The following RAD51B variants were observed in gnomAD, a reference collection of about 807,000 sequenced individuals.
The protein encoded by RAD51B is DNA repair protein RAD51 homolog 2.
RAD51B carries 38 observed loss-of-function variants against 42.2 expected under a neutral mutation model. The ratio of observed to expected loss-of-function variants is 0.90; its 90% CI spans 0.70 to 1.18. The LOEUF (loss-of-function observed/expected upper bound fraction) is 1.18. RAD51B is among the 50% of genes most tolerant of loss of function. The pLI, the probability that RAD51B is intolerant of heterozygous loss-of-function variation, is 0.00. For missense variants in RAD51B, 373 were observed against 400.7 expected (o/e 0.93, Z 0.59); for synonymous variants, 154 against 145.2 (o/e 1.06, Z -0.43).
Position 67,887,209 on chromosome 14 carries a change from G to GTTTTTCTTT in RAD51B, c.756+10_756+18dup, listed in dbSNP as rs1158832964. The GTTTTTCTTT allele has an allele frequency of 6.3e-7, 1 of 1,598,278 alleles. No homozygotes were observed. The highest frequency in any genetic ancestry group is 2.2e-5 in the East Asian group (1 of 44,586). On this transcript the variant is annotated splice_donor_region_variant and intron_variant, in intron 7 of 10. Coordinates refer to ENST00000471583, the MANE Select transcript of RAD51B (RefSeq NM_133510.4). Reference sequence around the variant, plus strand: ...GCTGAGGAGTTTTCAATCCCAGTAAGTTTTTCTTTTTTTCTCTTTTTTCTT... The same window carrying GTTTTTCTTT: ...GCTGAGGAGTTTTCAATCCCAGTAAGTTTTTCTTTTTTTTCTTTTTTTCTCTTTTTTCTT...
chr14:68,271,389 A>G (rs2081101161), intron 7 of RAD51B, among the ~76,000 whole-genome samples: 1 of 152,168 alleles, frequency 6.6e-6, no homozygotes, highest in Admixed American at 6.5e-5. Context: ...CTGGGTTTGA[A>G]TCCCAGCTTT....
chr14:68,633,488 A>C (rs1017746880), intron 10 of RAD51B, among the ~76,000 whole-genome samples: 10 of 152,094 alleles, frequency 6.6e-5, no homozygotes, highest in African/African-American at 2.2e-4. Flanking sequence ...CCTGGAGAGG[A>C]CAAGGCTGTA....
At chr14:68,053,975 C>T (rs756066016) in intron 7 of RAD51B, among the ~76,000 whole-genome samples, 3 of 152,140 alleles carry the variant, frequency 2.0e-5, no homozygotes, top group Admixed American at 6.5e-5. Context: ...TTATAATACA[C>T]GCAAACATAC....
chr14:68,086,778 T>C (rs766846588), intron 7 of RAD51B, among the ~76,000 whole-genome samples: 2 of 152,076 alleles, frequency 1.3e-5, no homozygotes, highest in East Asian at 1.9e-4. Flanking sequence ...ATTTCTAATA[T>C]TGGGGGCTTC....
At chr14:68,033,062 A>G (rs1426505567) in intron 7 of RAD51B, among the ~76,000 whole-genome samples, 3 of 152,256 alleles carry the variant, frequency 2.0e-5, no homozygotes, top group Middle Eastern at 6.8e-3. Context: ...CCGTATCATC[A>G]TGGTGCTCAT....
At chr14:68,149,558 C>T (rs2078330031) in intron 7 of RAD51B, 1 of 152,188 alleles carries the variant, frequency 6.6e-6, no homozygotes, top group Non-Finnish European at 1.5e-5. Flanking sequence ...TCTATATTTT[C>T]ACCAATATCA....
At chr14:68,497,333 C>G in intron 10 of RAD51B, 1 of 1,257,562 alleles carries the variant, frequency 8.0e-7, no homozygotes, top group Non-Finnish European at 1.0e-6. Context: ...GGATCAAGAA[C>G]AAGCCCAACA....
rs1892355268 is a variant in RAD51B, at chr14:68,637,066, A to G, written c.1037-13715A>G. On this transcript the variant is annotated intron_variant, in intron 10 of 11. Transcript: ENST00000488612. Reference sequence around the variant, plus strand: ...TGCTACTTCCCCAGTGCCTAGAAAGAGTGCCCGTCACTCTTAACAAACTTT... The same window carrying G: ...TGCTACTTCCCCAGTGCCTAGAAAGGGTGCCCGTCACTCTTAACAAACTTT... 2.0e-5 allele frequency among the ~76,000 whole-genome samples: 3 copies of G among 152,144 alleles called. No homozygotes were observed. The South Asian group carries it at 6.2e-4, about 32-fold the overall frequency.
intron 7 of RAD51B, among the ~76,000 whole-genome samples, chr14:68,119,179 T>C (rs1194514841): frequency 1.3e-5 from 2 of 151,732 alleles, no homozygotes; most frequent in Non-Finnish European, 2.9e-5. Context: ...TATAGGCACG[T>C]GCCACCGTAC....
At chr14:68,135,896 G>T (rs1007594189) in intron 7 of RAD51B, among the ~76,000 whole-genome samples, 5 of 152,118 alleles carry the variant, frequency 3.3e-5, no homozygotes, top group Admixed American at 2.6e-4. Context: ...AGATTCCAAA[G>T]TCCACCGTTC....
chr14:68,621,437 A>G (rs1023218481), intron 10 of RAD51B, among the ~76,000 whole-genome samples: 1 of 151,750 alleles, frequency 6.6e-6, no homozygotes, highest in Non-Finnish European at 1.5e-5. Flanking sequence ...TCCTTTCTCC[A>G]CTGTCTATGC....
chr14:67,820,684 G>C (rs1053619808), intron 1 of RAD51B, among the ~76,000 whole-genome samples: 8 of 152,132 alleles, frequency 5.3e-5, no homozygotes, highest in African/African-American at 1.9e-4. Context: ...AGGTTTTGTG[G>C]AGGGAAGTCA....
chr14:68,550,653 T>C (rs77643939), intron 10 of RAD51B, among the ~76,000 whole-genome samples: 3,776 of 152,358 alleles, frequency 0.025, 70 homozygotes, highest in Middle Eastern at 0.054. Context: ...AAATGTTGTT[T>C]CATGGTATTT....
chr14:68,178,610 T>C (rs1236865292), intron 7 of RAD51B, among the ~76,000 whole-genome samples: 1 of 152,198 alleles, frequency 6.6e-6, no homozygotes, highest in African/African-American at 2.4e-5. Flanking sequence ...TTTTCTCTTA[T>C]CCCTTTAAGT....
chr14:67,983,834 C>T (rs763398945), intron 7 of RAD51B, among the ~76,000 whole-genome samples: 75 of 150,822 alleles, frequency 5.0e-4, no homozygotes, highest in Non-Finnish European at 1.8e-4. Flanking sequence ...AATTGTTAGG[C>T]ATATCTCTTT....
intron 10 of RAD51B, among the ~76,000 whole-genome samples, chr14:68,631,149 C>T (rs1245064716): frequency 6.6e-6 from 1 of 151,984 alleles, no homozygotes; most frequent in Non-Finnish European, 1.5e-5. Flanking sequence ...AAAATGAATA[C>T]AATTAGGGAG....
chr14:68,510,813 T>G (rs2842342), intron 10 of RAD51B, among the ~76,000 whole-genome samples: 151,823 of 152,302 alleles, frequency 1, 75,674 homozygotes, highest in East Asian at 1. Flanking sequence ...CCTCTTCCTA[T>G]AGTACCTAGG....
intron 8 of RAD51B, among the ~76,000 whole-genome samples, chr14:68,410,052 C>T (rs1374565526): frequency 6.6e-6 from 1 of 152,144 alleles, no homozygotes; most frequent in African/African-American, 2.4e-5. Flanking sequence ...CCCAGGGGTT[C>T]TCAACTTCAG....
intron 10 of RAD51B, among the ~76,000 whole-genome samples, chr14:68,607,403 T>G (rs1382771044): frequency 6.6e-6 from 1 of 152,168 alleles, no homozygotes; most frequent in African/African-American, 2.4e-5. Flanking sequence ...CAGCACCTTC[T>G]TTCTCCTTTC....
Sources: allele counts gnomAD v4.1 joint callset (sites outside exome capture counted in the v4.1 genomes callset), GRCh38; gene constraint gnomAD v4.1.1; transcripts MANE v1.5; gene names NCBI Gene and HGNC (gene_info 2026-07-23, HGNC 2026-07-21).